Variants in DLG1 observed in about 807,000 individuals in gnomAD.
DLG1 encodes disks large homolog 1.
Under a neutral mutation model 123.4 loss-of-function variants are expected in DLG1, and 42 were observed. That is an observed-to-expected ratio of 0.34 (90% CI 0.27 to 0.44). DLG1 has a LOEUF of 0.44. Ranked by LOEUF, DLG1 falls within the 20% of genes least tolerant of loss-of-function variation. The pLI is 1.00. For missense variants in DLG1, 942 were observed against 1,082.6 expected (o/e 0.87, Z 1.82); for synonymous variants, 317 against 356.2 (o/e 0.89, Z 1.24).
chr3:197,089,902 A>G (rs934871682), intron 15 of DLG1, among the ~76,000 whole-genome samples: 1 of 152,248 alleles, frequency 6.6e-6, no homozygotes. Context: ...TGGTAGGGTT[A>G]TAAGTACCAA....
At chr3:197,194,759 A>G (rs1171486040) in intron 4 of DLG1, among the ~76,000 whole-genome samples, 170 bp from the exon 5 acceptor site, 3 of 152,204 alleles carry the variant, frequency 2.0e-5, no homozygotes, top group African/African-American at 7.2e-5. Context: ...AATAATGCCA[A>G]TAATAAAATT....
intron 22 of DLG1, among the ~76,000 whole-genome samples, chr3:197,063,368 C>T (rs958938264): frequency 4.0e-5 from 6 of 151,418 alleles, no homozygotes; most frequent in Non-Finnish European, 8.8e-5. Context: ...AATGTCATAC[C>T]CCTCATCCTT....
chr3:197,131,088 C>A (rs898600699), intron 10 of DLG1, among the ~76,000 whole-genome samples: 2 of 152,152 alleles, frequency 1.3e-5, no homozygotes, highest in Admixed American at 1.3e-4. Context: ...AGAATTACTA[C>A]ATTGTAACAA....
At position 197,082,963 on chromosome 3, in the gene DLG1, C is replaced by T. The variant is rs146764739; in HGVS notation, c.1839-1846G>A. ...AGGTATGAGACTCCAAGAACCAAGA[C>T]AATTTTTAGGAGCTCTGACCTTGAT... is the stretch of plus-strand genomic sequence containing the variant. On this transcript the variant is annotated intron_variant, in intron 16 of 24. Coordinates refer to ENST00000667157, the MANE Select transcript of DLG1 (RefSeq NM_001366207.1). Among the ~76,000 whole-genome samples, 1,299 of 152,206 alleles carry T rather than the reference C, an allele frequency of 8.5e-3. 17 individuals carry two copies. Among genetic ancestry groups the T allele is most frequent in the African/African-American group, 0.03 (1,231 of 41,516 alleles).
rs529530981 is a variant in DLG1 at position 197,159,908 on chromosome 3, C to CA, written c.484-10113dup. Among the ~76,000 whole-genome samples the CA allele has an allele frequency of 2.5e-4, 38 of 152,250 alleles. No homozygotes were observed. The East Asian group carries it at 6.6e-3, about 26-fold the overall frequency. On this transcript the variant is annotated intron_variant, in intron 5 of 24. Transcript: ENST00000667157. ...AAACTTGTTCCTTAGTTTGCTGTCT[C>CA]AGAGAAATATGAGATAACACTAAAA...
At chr3:197,214,836 C>G (rs1733245331) in intron 4 of DLG1, among the ~76,000 whole-genome samples, 1 of 152,042 alleles carries the variant, frequency 6.6e-6, no homozygotes, top group Non-Finnish European at 1.5e-5. Flanking sequence ...ATTACAAATA[C>G]TCAATAAACA....
chr3:197,244,878 G>A (rs968281918), intron 4 of DLG1, among the ~76,000 whole-genome samples: 1 of 152,106 alleles, frequency 6.6e-6, no homozygotes, highest in Non-Finnish European at 1.5e-5. Context: ...TTAGCTTTGA[G>A]GGAAGAGAAA....
intron 4 of DLG1, among the ~76,000 whole-genome samples, chr3:197,216,622 C>T (rs1199561432): frequency 6.6e-6 from 1 of 152,170 alleles, no homozygotes; most frequent in Non-Finnish European, 1.5e-5. Flanking sequence ...GGGCTGGTCA[C>T]ATAGGCACCT....
At chr3:197,166,657 A>G (rs969078069) in intron 5 of DLG1, among the ~76,000 whole-genome samples, 3 of 152,116 alleles carry the variant, frequency 2.0e-5, no homozygotes, top group African/African-American at 4.8e-5. Flanking sequence ...TGGGAGGCGG[A>G]GGTGGGCGGA....
At chr3:197,133,477 T>C (rs184441923) in intron 10 of DLG1, among the ~76,000 whole-genome samples, 371 of 152,308 alleles carry the variant, frequency 2.4e-3, no homozygotes, top group Non-Finnish European at 4.4e-3. Flanking sequence ...ACATGAGTGG[T>C]GTTTTTTAGC....
rs1731018328 is a variant in DLG1 at position 197,211,034 on chromosome 3, G to C, written c.319-16445C>G. ...TTTAACATCTAAAAAATAAATTAAT[G>C]TAATTCTCTATATTTAACAGAATGA... On this transcript the variant is annotated intron_variant, in intron 4 of 24. Coordinates refer to ENST00000667157, the MANE Select transcript of DLG1 (RefSeq NM_001366207.1). 1.4e-5 allele frequency among the ~76,000 whole-genome samples: 2 copies of C among 144,634 alleles called. 1 individual carries two copies. 94.9% of individuals were successfully genotyped at this position (144,634 alleles called of 152,430 possible).
Position 197,275,515 on chromosome 3 carries a change from T to C in DLG1, c.318+7164A>G, listed in dbSNP as rs181412122. ...GCCTAAGTGTCCCTCAACAGACGAATAGATAAATAAAATGTAGCATATATA... is the reference window on the plus strand; with the variant it reads ...GCCTAAGTGTCCCTCAACAGACGAACAGATAAATAAAATGTAGCATATATA... On this transcript the variant is annotated intron_variant, in intron 4 of 24. Transcript: ENST00000667157. Among the ~76,000 whole-genome samples the C allele has an allele frequency of 2.6e-4, 39 of 152,312 alleles. No homozygotes were observed. In the East Asian group the frequency reaches 5.4e-3, roughly 21 times the overall value.
intron 5 of DLG1, among the ~76,000 whole-genome samples, chr3:197,159,337 A>G (rs926051202): frequency 3.3e-4 from 50 of 152,304 alleles, no homozygotes; most frequent in African/African-American, 1.1e-3. Flanking sequence ...GAAAGACTAT[A>G]TACTTTTTAA....
At chr3:197,121,139 C>A (rs957135996) in intron 11 of DLG1, among the ~76,000 whole-genome samples, 1 of 152,252 alleles carries the variant, frequency 6.6e-6, no homozygotes, top group Non-Finnish European at 1.5e-5. Context: ...TTCCCTGACA[C>A]ATCCAGACTA....
At chr3:197,139,637 A>T (rs571365332) in intron 8 of DLG1, among the ~76,000 whole-genome samples, 61 of 152,352 alleles carry the variant, frequency 4.0e-4, no homozygotes, top group Non-Finnish European at 7.2e-4. Flanking sequence ...AAGAAAATAT[A>T]TTATTTAAAG....
At chr3:197,261,165 C>G (rs1300764041) in intron 4 of DLG1, among the ~76,000 whole-genome samples, 1 of 152,202 alleles carries the variant, frequency 6.6e-6, no homozygotes, top group Non-Finnish European at 1.5e-5. Context: ...CATGTCCTGT[C>G]TCCAAGATCA....
chr3:197,085,598 A>G lies in DLG1; in HGVS notation c.1820T>C (p.Val607Ala). 6.2e-7 allele frequency: 1 copy of G among 1,613,808 alleles called. No homozygotes were observed. The highest frequency in any genetic ancestry group is 8.5e-7 in the Non-Finnish European group (1 of 1,179,960). ...TPDGESDEVGVIPSKRRVEKK... is the reference protein window; with the variant it reads ...TPDGESDEVGAIPSKRRVEKK... The stretch of plus-strand genomic sequence containing the variant: ...GGCATACCTGCGTTTACTGGGAATC[A>G]CTCCGACCTCATCGCTCTCACCATC... The change falls in exon 16 of 25, where the codon GTG becomes GCG. Residue 607 changes from valine (V) to alanine (A), a missense_variant. By Grantham distance (64) the Val-to-Ala change is moderately conservative. Transcript: ENST00000667157.
intron 4 of DLG1, among the ~76,000 whole-genome samples, chr3:197,204,599 C>G (rs1727564240): frequency 6.6e-6 from 1 of 152,168 alleles, no homozygotes; most frequent in South Asian, 2.1e-4. Context: ...CTCTCCATAT[C>G]TGTGAGTTCC....
chr3:197,082,474 T>C (rs1472928291), intron 16 of DLG1, among the ~76,000 whole-genome samples: 1 of 152,188 alleles, frequency 6.6e-6, no homozygotes, highest in African/African-American at 2.4e-5. Context: ...TAGGTACTTA[T>C]CAACAGCACC....
Sources: allele counts gnomAD v4.1 joint callset (sites outside exome capture counted in the v4.1 genomes callset), GRCh38; gene constraint gnomAD v4.1.1; transcripts MANE v1.5; gene names NCBI Gene and HGNC (gene_info 2026-07-23, HGNC 2026-07-21).